CTNNA3: variants seen among roughly 807,000 people sequenced by gnomAD.
CTNNA3 encodes catenin alpha 3, also known as catenin alpha-3.
Under a neutral mutation model 95.7 loss-of-function variants are expected in CTNNA3, and 76 were observed. The ratio of observed to expected loss-of-function variants is 0.79; its 90% CI spans 0.66 to 0.96. The LOEUF (loss-of-function observed/expected upper bound fraction) is 0.96. Among genes scored for constraint, CTNNA3 ranks in the 40% least tolerant of loss-of-function variants. CTNNA3 has a pLI of 0.00. For synonymous variants in CTNNA3, 431 were observed against 374.4 expected (o/e 1.15, Z -1.74); for missense variants, 1,191 against 1,089.8 (o/e 1.09, Z -1.31).
chr10:67,017,089 T>C (rs1033361840), intron 7 of CTNNA3, among the ~76,000 whole-genome samples: 5 of 152,234 alleles, frequency 3.3e-5, no homozygotes, highest in Non-Finnish European at 2.9e-5. Flanking sequence ...CACAGATTTA[T>C]AGCTAATCAT....
intron 13 of CTNNA3, among the ~76,000 whole-genome samples, chr10:66,241,337 G>A (rs1381381271): frequency 1.3e-5 from 2 of 152,080 alleles, no homozygotes; most frequent in Non-Finnish European, 2.9e-5. Context: ...ACAACTCTTT[G>A]TGAATCTCAA....
chr10:66,197,077 G>T (rs2087006406), intron 13 of CTNNA3, among the ~76,000 whole-genome samples: 1 of 152,108 alleles, frequency 6.6e-6, no homozygotes, highest in South Asian at 2.1e-4. Context: ...ACCATGCAAG[G>T]ATATTGGTCT....
intron 5 of CTNNA3, among the ~76,000 whole-genome samples, chr10:67,290,331 C>T (rs962258889): frequency 5.9e-5 from 9 of 152,220 alleles, no homozygotes; most frequent in South Asian, 2.1e-4. Context: ...AAATTAATCA[C>T]AAACATTCAT....
At chr10:66,459,064 G>C (rs868693239) in intron 11 of CTNNA3, among the ~76,000 whole-genome samples, 37 of 152,178 alleles carry the variant, frequency 2.4e-4, no homozygotes, top group Middle Eastern at 6.8e-3. Flanking sequence ...TCTTCTCCCA[G>C]AGACAGCAAG....
rs113798644 is a variant in CTNNA3 at position 66,677,295 on chromosome 10, G to C, written c.1282-55511C>G. Among the ~76,000 whole-genome samples the C allele has an allele frequency of 7.1e-3, 1,075 of 152,126 alleles. 12 individuals are homozygous for C. Among genetic ancestry groups the C allele is most frequent in the African/African-American group, 0.025 (1,019 of 41,500 alleles). On this transcript the variant is annotated intron_variant, in intron 9 of 17. Coordinates refer to ENST00000433211, the MANE Select transcript of CTNNA3 (RefSeq NM_013266.4). ...TAAAGGAGTGCTTCTCTAACTATCTGTAGTGAAGAATTAGCACTTTGTAAT... is the reference window on the plus strand; with the variant it reads ...TAAAGGAGTGCTTCTCTAACTATCTCTAGTGAAGAATTAGCACTTTGTAAT...
intron 17 of CTNNA3, among the ~76,000 whole-genome samples, chr10:65,958,212 C>T (rs775329124): frequency 4.6e-5 from 7 of 152,096 alleles, no homozygotes; most frequent in Non-Finnish European, 8.8e-5. Context: ...ATGTAGTTCT[C>T]GTGCCATGGT....
chr10:66,286,280 T>C (rs2091587395), intron 12 of CTNNA3, among the ~76,000 whole-genome samples: 1 of 152,026 alleles, frequency 6.6e-6, no homozygotes, highest in African/African-American at 2.4e-5. Flanking sequence ...TCTTTTACTT[T>C]TTAGCTTTCT....
At position 66,662,771 on chromosome 10, in the gene CTNNA3, T is replaced by A. The variant is rs560087290; in HGVS notation, c.1282-40987A>T. 1.5e-4 allele frequency among the ~76,000 whole-genome samples: 23 copies of A among 152,100 alleles called. 1 individual carries two copies. The South Asian group carries it at 4.6e-3, about 30-fold the overall frequency. On this transcript the variant is annotated intron_variant, in intron 9 of 17. Coordinates refer to ENST00000433211, the MANE Select transcript of CTNNA3 (RefSeq NM_013266.4). ...TCAGCATTCAATCATGTAGCAATAT[T>A]TTCATCTGAGAGAGAGAGAGAGAAG...
chr10:66,853,291 T>C (rs142209623), intron 7 of CTNNA3, among the ~76,000 whole-genome samples: 2 of 152,160 alleles, frequency 1.3e-5, no homozygotes, highest in African/African-American at 2.4e-5. Flanking sequence ...ATCCGGCCCG[T>C]TAGAGAAAAA....
chr10:66,751,564 T>C (rs1481447624), intron 9 of CTNNA3, among the ~76,000 whole-genome samples: 1 of 152,228 alleles, frequency 6.6e-6, no homozygotes, highest in Non-Finnish European at 1.5e-5. Context: ...CCATAGACAT[T>C]GTCTTCATCT....
intron 13 of CTNNA3, among the ~76,000 whole-genome samples, chr10:66,224,253 A>G (rs941159928): frequency 5.3e-5 from 8 of 152,050 alleles, no homozygotes; most frequent in South Asian, 2.1e-4. Context: ...TCATATATAT[A>G]AACAATCTCC....
chr10:66,153,561 T>A (rs1247203367), intron 13 of CTNNA3, among the ~76,000 whole-genome samples: 1 of 151,948 alleles, frequency 6.6e-6, no homozygotes, highest in Non-Finnish European at 1.5e-5. Context: ...CCTGTCAGCC[T>A]GAGAATTGGG....
intron 1 of CTNNA3, among the ~76,000 whole-genome samples, chr10:67,726,097 A>C (rs1323912674): frequency 1.7e-5 from 2 of 119,406 alleles, no homozygotes; most frequent in Non-Finnish European, 3.2e-5. Flanking sequence ...TATAATATAT[A>C]ATTATATAAG....
rs575244929 is a variant in CTNNA3, at chr10:67,643,258, G to A, written c.99+4157C>T. On this transcript the variant is annotated intron_variant, in intron 2 of 17. Coordinates refer to ENST00000433211, the MANE Select transcript of CTNNA3 (RefSeq NM_013266.4). ...ACACCACATGTTCTCACTTATAAGTGGGAGCTGAAGGATGAGAACACATGG... is the reference window on the plus strand; with the variant it reads ...ACACCACATGTTCTCACTTATAAGTAGGAGCTGAAGGATGAGAACACATGG... 2.6e-5 allele frequency among the ~76,000 whole-genome samples: 4 copies of A among 152,070 alleles called. No homozygotes were observed. In the South Asian group the frequency reaches 6.2e-4, roughly 24 times the overall value.
At chr10:66,903,884 C>T (rs1361633719) in intron 7 of CTNNA3, among the ~76,000 whole-genome samples, 1 of 152,094 alleles carries the variant, frequency 6.6e-6, no homozygotes, top group Non-Finnish European at 1.5e-5. Context: ...AAACAGGACA[C>T]AAACAAATGG....
At chr10:67,751,283 G>A (rs575897506) in intron 1 of CTNNA3, 7 of 1,031,048 alleles carry the variant, frequency 6.8e-6, no homozygotes, top group Non-Finnish European at 1.1e-5. Context: ...CTTCGCTGAA[G>A]TGTGACATCT....
chr10:66,547,347 C>CTTTTTTTTTTTTTTTT (rs1296263060), intron 10 of CTNNA3, among the ~76,000 whole-genome samples: 1 of 109,282 alleles, frequency 9.2e-6, no homozygotes, highest in African/African-American at 3.5e-5. Flanking sequence ...TTCTTTCTTT[C>CTTTTTTTTTTTTTTTT]TTTTTTTTTT....
intron 5 of CTNNA3, among the ~76,000 whole-genome samples, chr10:67,444,776 C>A (rs1276041755): frequency 6.6e-6 from 1 of 151,816 alleles, no homozygotes; most frequent in African/African-American, 2.4e-5. Flanking sequence ...CAACTATATG[C>A]CAACAAATTG....
intron 17 of CTNNA3, among the ~76,000 whole-genome samples, chr10:65,939,365 A>T (rs1411350805): frequency 6.6e-6 from 1 of 152,120 alleles, no homozygotes; most frequent in Non-Finnish European, 1.5e-5. Flanking sequence ...CAGTTCTACA[A>T]TTTTAAGATT....
Sources: gnomAD v4.1 joint callset for allele counts (sites outside exome capture counted in the v4.1 genomes callset) on GRCh38, gnomAD v4.1.1 for gene constraint, MANE v1.5 for transcripts, NCBI Gene and HGNC (gene_info 2026-07-23, HGNC 2026-07-21) for gene names.